Variants in TMEM38B observed in about 807,000 individuals in gnomAD.
TMEM38B encodes the protein trimeric intracellular cation channel type B.
A neutral mutation model predicts 28.7 loss-of-function variants in TMEM38B; 24 were observed. The observed-to-expected ratio is 0.84, with a 90% CI of 0.61 to 1.18. The LOEUF is 1.18. Among genes scored for constraint, TMEM38B ranks in the 50% most tolerant of loss-of-function variants. TMEM38B has a pLI of 0.00. For missense variants in TMEM38B, 380 were observed against 350.9 expected, an observed-to-expected ratio of 1.08 and a Z score of -0.66; for synonymous variants, 131 against 127.7, an observed-to-expected ratio of 1.03 and a Z score of -0.17.
At chr9:105,718,311 T>C (rs1836185791) in intron 2 of TMEM38B, among the ~76,000 whole-genome samples, 1 of 151,908 alleles carries the variant, frequency 6.6e-6, no homozygotes, top group Non-Finnish European at 1.5e-5. Flanking sequence ...CGATCTCAGC[T>C]CACTGCAACC....
At chr9:105,744,464 A>G (rs1837315323) in intron 4 of TMEM38B, among the ~76,000 whole-genome samples, 1 of 152,124 alleles carries the variant, frequency 6.6e-6, no homozygotes, top group African/African-American at 2.4e-5. Context: ...GTATCCAAGT[A>G]TGAAGGCATA....
intron 4 of TMEM38B, among the ~76,000 whole-genome samples, chr9:105,727,923 C>G (rs1364299084): frequency 6.6e-6 from 1 of 152,112 alleles, no homozygotes; most frequent in Admixed American, 6.6e-5. Context: ...TGTTCCCAGT[C>G]TCACCATGTG....
intron 5 of TMEM38B, among the ~76,000 whole-genome samples, chr9:105,766,572 TGTC>T (rs1452469857): frequency 1.3e-5 from 2 of 152,164 alleles, no homozygotes; most frequent in Non-Finnish European, 2.9e-5. Flanking sequence ...TGTTTAGTGT[TGTC>T]TTTAGAAGAG....
chr9:105,760,096 T>G, intron 5 of TMEM38B: 1 of 926,212 alleles, frequency 1.1e-6, no homozygotes, highest in South Asian at 1.3e-5. Flanking sequence ...GCAACCTCAT[T>G]TAGAGAGGGT....
At chr9:105,740,856 T>G (rs536337571) in intron 4 of TMEM38B, among the ~76,000 whole-genome samples, 44 of 152,354 alleles carry the variant, frequency 2.9e-4, no homozygotes, top group African/African-American at 1.1e-3. Flanking sequence ...GTCAGTATAT[T>G]TCTATATTTT....
intron 4 of TMEM38B, among the ~76,000 whole-genome samples, chr9:105,725,229 A>T (rs535885134): frequency 1.4e-4 from 22 of 151,784 alleles, no homozygotes; most frequent in African/African-American, 5.3e-4. Context: ...TCACCTTCTA[A>T]CATGTTATGT....
chr9:105,703,666 A>C (rs866383641), intron 1 of TMEM38B, among the ~76,000 whole-genome samples: 9 of 152,012 alleles, frequency 5.9e-5, no homozygotes, highest in African/African-American at 1.9e-4. Flanking sequence ...TCCCACCAAC[A>C]GTGTAAAAGT....
At chr9:105,750,969 G>C (rs1404921306) in intron 5 of TMEM38B, among the ~76,000 whole-genome samples, 1 of 152,160 alleles carries the variant, frequency 6.6e-6, no homozygotes, top group African/African-American at 2.4e-5. Context: ...TTTATTTCTA[G>C]ATTCTCAATT....
intron 5 of TMEM38B, among the ~76,000 whole-genome samples, chr9:105,748,845 G>A (rs184773858): frequency 6.3e-4 from 96 of 152,216 alleles, no homozygotes; most frequent in African/African-American, 2.2e-3. Context: ...GGCTAATTCT[G>A]ACTGTTCATA....
At chr9:105,699,059 C>A (rs1427036084) in intron 1 of TMEM38B, among the ~76,000 whole-genome samples, 3 of 152,098 alleles carry the variant, frequency 2.0e-5, no homozygotes, top group Non-Finnish European at 2.9e-5. Flanking sequence ...GGATCTTAAT[C>A]ACTTTATGTC....
intron 5 of TMEM38B, among the ~76,000 whole-genome samples, chr9:105,752,929 G>A (rs1465853985): frequency 6.6e-6 from 1 of 152,142 alleles, no homozygotes; most frequent in Non-Finnish European, 1.5e-5. Context: ...ATGATAAAAC[G>A]ATAAAGGAGC....
intron 5 of TMEM38B, among the ~76,000 whole-genome samples, chr9:105,755,252 T>C (rs565846753): frequency 6.6e-6 from 1 of 152,080 alleles, no homozygotes; most frequent in African/African-American, 2.4e-5. Flanking sequence ...TAGTCCAAAA[T>C]ATTGAAAAGG....
intron 4 of TMEM38B, among the ~76,000 whole-genome samples, chr9:105,734,420 G>A (rs1401296200): frequency 6.6e-6 from 1 of 152,074 alleles, no homozygotes; most frequent in Non-Finnish European, 1.5e-5. Context: ...TTTTGCTGTT[G>A]TTGGATGGAA....
At chr9:105,754,422 T>C (rs1288525414) in intron 5 of TMEM38B, among the ~76,000 whole-genome samples, 1 of 152,132 alleles carries the variant, frequency 6.6e-6, no homozygotes, top group Non-Finnish European at 1.5e-5. Flanking sequence ...AGAACTGAAA[T>C]AATAACAGTC....
Position 105,773,910 on chromosome 9 carries a change from TTTGAGGATACA to T in TMEM38B, c.712_722del (p.Asp238LeufsTer14). 3 of 1,613,766 alleles carry T rather than the reference TTTGAGGATACA, an allele frequency of 1.9e-6. No individual in the cohort carries two copies. Among genetic ancestry groups the T allele is most frequent in the Non-Finnish European group, 2.5e-6 (3 of 1,179,744 alleles). ...GACTTCTACTATGACATTTGCTCCTTTTGAGGATACATTGAGTTGGATGCTATTTGGCTGGC... is the reference window on the plus strand; with the variant it reads ...GACTTCTACTATGACATTTGCTCCTTTTGAGTTGGATGCTATTTGGCTGGC... On this transcript the variant is annotated frameshift_variant, in exon 6 of 6. Coordinates refer to ENST00000374692, the MANE Select transcript of TMEM38B (RefSeq NM_018112.3). LOFTEE classifies it low-confidence loss of function (END_TRUNC).
chr9:105,697,116 G>GT (rs1835315470), intron 1 of TMEM38B, among the ~76,000 whole-genome samples: 1 of 152,184 alleles, frequency 6.6e-6, no homozygotes. Context: ...AAAGTTCTGT[G>GT]TTTTTGGACA....
intron 2 of TMEM38B, among the ~76,000 whole-genome samples, chr9:105,713,928 C>A (rs1406458787): frequency 8.8e-6 from 1 of 114,018 alleles, no homozygotes; most frequent in East Asian, 4.5e-4. Flanking sequence ...GGGGCCACCT[C>A]TGCTGAGAGC....
intron 2 of TMEM38B, among the ~76,000 whole-genome samples, chr9:105,706,965 A>G (rs140815847): frequency 6.6e-6 from 1 of 152,076 alleles, no homozygotes; most frequent in Non-Finnish European, 1.5e-5. Context: ...TTTAGTAGAG[A>G]CGGGGTTTCA....
chr9:105,774,102 A>G lies in TMEM38B; in HGVS notation c.*22A>G. 6.2e-7 allele frequency: 1 copy of G among 1,604,790 alleles called. No homozygotes were observed. Among genetic ancestry groups the G allele is most frequent in the Non-Finnish European group, 8.5e-7 (1 of 1,175,854 alleles). On this transcript the variant is annotated 3_prime_UTR_variant, in exon 6 of 6. Coordinates refer to ENST00000374692, the MANE Select transcript of TMEM38B (RefSeq NM_018112.3). ...ATAAATTTACGTGATGAGCTCTACA[A>G]GGCCAAAAATTTTTTTTCTTATCTA...
Sources: gnomAD v4.1 joint callset for allele counts (sites outside exome capture counted in the v4.1 genomes callset) on GRCh38, gnomAD v4.1.1 for gene constraint, MANE v1.5 for transcripts, NCBI Gene and HGNC (gene_info 2026-07-23, HGNC 2026-07-21) for gene names.